Variants in HK3 observed in about 807,000 individuals in gnomAD.
The protein encoded by HK3 is hexokinase 3.
HK3 carries 93 observed loss-of-function variants against 91.0 expected under a neutral mutation model. That is an observed-to-expected ratio of 1.02 (90% CI 0.86 to 1.21). The LOEUF (loss-of-function observed/expected upper bound fraction) is 1.21, where lower values mean the gene tolerates loss of function less well. Ranked by LOEUF, HK3 falls within the 50% of genes most tolerant of loss-of-function variation. HK3 has a pLI of 0.00. For missense variants in HK3, 1,235 were observed against 1,247.4 expected (o/e 0.99, Z 0.15); for synonymous variants, 519 against 516.9 (o/e 1.00, Z -0.06).
At chr5:176,886,724 A>G (rs1758592858) in intron 13 of HK3, among the ~76,000 whole-genome samples, 1 of 152,210 alleles carries the variant, frequency 6.6e-6, no homozygotes, top group South Asian at 2.1e-4. Context: ...CAGGACCCTG[A>G]GGCCCACACA....
At position 176,890,742 on chromosome 5, in the gene HK3, G is replaced by C; in HGVS notation, c.535-12C>G. On this transcript the variant is annotated splice_polypyrimidine_tract_variant and intron_variant, in intron 5 of 18. Coordinates refer to ENST00000292432, the MANE Select transcript of HK3 (RefSeq NM_002115.3). ...GAAATGAGGGTGCTCTGGAGGTAGAGAAGCTGGGTTACTCCTCTGACGGCC... is the reference window on the plus strand; with the variant it reads ...GAAATGAGGGTGCTCTGGAGGTAGACAAGCTGGGTTACTCCTCTGACGGCC... The C allele has an allele frequency of 6.2e-7, 1 of 1,614,076 alleles. No homozygotes were observed.
intron 2 of HK3, among the ~76,000 whole-genome samples, chr5:176,893,670 G>A (rs1758835160): frequency 6.6e-6 from 1 of 152,212 alleles, no homozygotes; most frequent in Admixed American, 6.5e-5. Context: ...GAAAACAGTA[G>A]AGTCACGGAG....
intron 2 of HK3, among the ~76,000 whole-genome samples, chr5:176,894,834 T>C (rs1221669119): frequency 1.3e-5 from 2 of 150,008 alleles, no homozygotes; most frequent in African/African-American, 2.5e-5. Context: ...TGGAGTGCAG[T>C]GGTACGATCT....
chr5:176,896,019 A>G, intron 2 of HK3, 45 bp downstream of exon 2: 1 of 1,516,188 alleles, frequency 6.6e-7, no homozygotes, highest in Non-Finnish European at 9.2e-7. Context: ...GCTGCTCTTG[A>G]AGGCCTTAGA....
At chr5:176,897,892 T>A (rs1428780796) in intron 1 of HK3, among the ~76,000 whole-genome samples, 1 of 152,208 alleles carries the variant, frequency 6.6e-6, no homozygotes, top group Non-Finnish European at 1.5e-5. Context: ...GACATCACTA[T>A]CTGGATGGTG....
chr5:176,894,649 G>A lies in HK3; in HGVS notation c.96+1415C>T, dbSNP rs149099334. The stretch of plus-strand genomic sequence containing the variant: ...GGGAAGTGGGAGCATGAAATGCAGC[G>A]AGGGGTAATGCCTCCACAATCTGGG... On this transcript the variant is annotated intron_variant, in intron 2 of 18. Transcript: ENST00000292432. 8.5e-5 allele frequency among the ~76,000 whole-genome samples: 13 copies of A among 152,300 alleles called. No individual in the cohort carries two copies. In the East Asian group the frequency reaches 2.1e-3, roughly 25 times the overall value.
In HK3 at chr5:176,887,124, G is replaced by A; in HGVS notation, c.1738-3C>T. The A allele has an allele frequency of 1.2e-6, 2 of 1,614,222 alleles. No individual in the cohort carries two copies. The highest frequency in any genetic ancestry group is 1.7e-6 in the Non-Finnish European group (2 of 1,180,042). On this transcript the variant is annotated splice_region_variant and splice_polypyrimidine_tract_variant and intron_variant, in intron 12 of 18. Coordinates refer to ENST00000292432, the MANE Select transcript of HK3 (RefSeq NM_002115.3). This position sits in a 1 kb window ranked among gnomAD's most constrained non-coding sequence, Gnocchi z 4.9. The stretch of plus-strand genomic sequence containing the variant: ...CAGTCCACGATGTGGTCAAAGAGCT[G>A]TGGGGCAGGACAGGTCAGGCGTAGG...
chr5:176,890,208 C>T (rs1186186815), intron 6 of HK3, among the ~76,000 whole-genome samples: 1 of 152,190 alleles, frequency 6.6e-6, no homozygotes, highest in East Asian at 1.9e-4. Context: ...ATCATCCGCC[C>T]CAGCCCCAGC....
intron 2 of HK3, among the ~76,000 whole-genome samples, chr5:176,894,820 A>G (rs924887956): frequency 2.2e-5 from 3 of 137,156 alleles, no homozygotes; most frequent in African/African-American, 8.4e-5. Context: ...TCTGTCACCC[A>G]GGCTGGAGTG....
chr5:176,891,733 G>T (rs1758781306), intron 2 of HK3, among the ~76,000 whole-genome samples, 183 bp from the exon 3 acceptor site: 1 of 152,150 alleles, frequency 6.6e-6, no homozygotes, highest in Non-Finnish European at 1.5e-5. Flanking sequence ...CCTGGAAAGA[G>T]AACCCACCTT....
chr5:176,896,253 A>G, intron 1 of HK3, 68 bp from the exon 2 acceptor site: 1 of 753,154 alleles, frequency 1.3e-6, no homozygotes, highest in South Asian at 2.3e-5. Context: ...TGTAACCCAG[A>G]CCAACTTCCT....
chr5:176,896,073 G>A lies in HK3; in HGVS notation c.87C>T (p.Ser29=), dbSNP rs1485030695. Residue 29 remains serine (S), a synonymous_variant, in exon 2 of 19, where the codon AGC becomes AGT. Coordinates refer to ENST00000292432, the MANE Select transcript of HK3 (RefSeq NM_002115.3). ...CCAGTGCTGAACTTACCAGCTCTGA[G>A]CTGTCTGAGGGCCCGGGCAAGCCCT... is the stretch of plus-strand genomic sequence containing the variant. ...SEEGLPGPSD[S]SELVQECLQQ... is the part of the protein sequence containing the mutation. 1.2e-5 allele frequency: 20 copies of A among 1,613,652 alleles called. No homozygotes were observed. In the Admixed American group the frequency reaches 3.3e-4, roughly 27 times the overall value.
rs148593430 is a variant in HK3, at chr5:176,898,041, C to T, written c.-27+1226G>A. Among the ~76,000 whole-genome samples, 1,371 of 152,236 alleles carry T rather than the reference C, an allele frequency of 9.0e-3. 8 individuals carry two copies. The highest frequency in any genetic ancestry group is 0.024 in the South Asian group (114 of 4,810). On this transcript the variant is annotated intron_variant, in intron 1 of 18. Coordinates refer to ENST00000292432, the MANE Select transcript of HK3 (RefSeq NM_002115.3). ...GCCGTTCGGGCTGCCTGCGCGCATCCCTCACCCTCACCTCCTCTATGCAAT... is the reference window on the plus strand; with the variant it reads ...GCCGTTCGGGCTGCCTGCGCGCATCTCTCACCCTCACCTCCTCTATGCAAT...
chr5:176,894,164 G>A (rs1489539003), intron 2 of HK3, among the ~76,000 whole-genome samples: 1 of 152,184 alleles, frequency 6.6e-6, no homozygotes, highest in Non-Finnish European at 1.5e-5. Flanking sequence ...CACCCAGCCT[G>A]GAGAGCCTGA....
At position 176,881,026 on chromosome 5, in the gene HK3, G is replaced by A. The variant is rs187171975; in HGVS notation, c.*47C>T. 5.8e-4 allele frequency: 890 copies of A among 1,543,378 alleles called. 1 individual carries two copies. In the African/African-American group the frequency reaches 8.3e-3, roughly 14 times the overall value. Reference sequence around the variant, plus strand: ...CTGGGAAACAGGCAGACCCCGACCCGGCTCCAGCAAGGCTGCGGCGGAGAC... The same window carrying A: ...CTGGGAAACAGGCAGACCCCGACCCAGCTCCAGCAAGGCTGCGGCGGAGAC... On this transcript the variant is annotated 3_prime_UTR_variant, in exon 19 of 19. Coordinates refer to ENST00000292432, the MANE Select transcript of HK3 (RefSeq NM_002115.3).
intron 8 of HK3, 54 bp from the exon 9 acceptor site, chr5:176,888,918 T>C (rs1054719625): frequency 5.7e-6 from 9 of 1,577,108 alleles, no homozygotes; most frequent in Non-Finnish European, 7.8e-6. Context: ...TCAGTCCACC[T>C]GGCCCTACCT....
rs770779774 is a variant in HK3, at chr5:176,882,019, T to C, written c.2162A>G (p.Asp721Gly). The change falls in exon 16 of 19, where the codon GAT (aspartate) becomes GGT (glycine). Residue 721 changes from aspartate to glycine, a missense_variant. Physicochemically the swap from Asp to Gly is moderately conservative, Grantham distance 94. Coordinates refer to ENST00000292432, the MANE Select transcript of HK3 (RefSeq NM_002115.3). The stretch of plus-strand genomic sequence containing the variant: ...GGTGCTGAGCATGGCCAGAGAGCCA[T>C]CGTCCCCAAAGGCGCCCCACTCCAT... ...INMEWGAFGD[D>G]GSLAMLSTRF... 2.5e-6 allele frequency: 4 copies of C among 1,613,166 alleles called. No individual in the cohort carries two copies. In the Admixed American group the frequency reaches 6.7e-5, roughly 27 times the overall value.
intron 2 of HK3, among the ~76,000 whole-genome samples, chr5:176,895,717 G>A (rs888440540): frequency 5.9e-5 from 9 of 152,186 alleles, no homozygotes; most frequent in Non-Finnish European, 1.3e-4. Flanking sequence ...ATAACCCTGA[G>A]AAAGTCCACT....
rs1283101441 is a variant in HK3 at position 176,887,440 on chromosome 5, C to G, written c.1600+11G>C. On this transcript the variant is annotated intron_variant, in intron 11 of 18. Coordinates refer to ENST00000292432, the MANE Select transcript of HK3 (RefSeq NM_002115.3). This position sits in a 1 kb window ranked among gnomAD's most constrained non-coding sequence, Gnocchi z 4.9. ...CCATGTTTCGGTCCCACACTCAGGC[C>G]AGGTCCTTACCGCTGCCGTCAGGGG... The G allele has an allele frequency of 6.2e-7, 1 of 1,612,290 alleles. No individual in the cohort carries two copies. The highest frequency in any genetic ancestry group is 1.3e-5 in the African/African-American group (1 of 74,900).
Sources: allele counts gnomAD v4.1 joint callset (sites outside exome capture counted in the v4.1 genomes callset), GRCh38; gene constraint gnomAD v4.1.1; non-coding constraint Gnocchi (gnomAD v3.1); transcripts MANE v1.5; gene names NCBI Gene and HGNC (gene_info 2026-07-23, HGNC 2026-07-21).